TAC4: variants seen among roughly 807,000 people sequenced by gnomAD.
The protein encoded by TAC4 is tachykinin-4.
TAC4 carries 17 observed loss-of-function variants against 17.7 expected under a neutral mutation model. That is an observed-to-expected ratio of 0.96 (90% CI 0.66 to 1.44). The LOEUF (loss-of-function observed/expected upper bound fraction) is 1.44. Ranked by LOEUF, TAC4 falls within the 40% of genes most tolerant of loss-of-function variation. TAC4 has a pLI of 0.00. For missense variants in TAC4, 118 were observed against 125.6 expected (o/e 0.94, Z 0.29); for synonymous variants, 62 against 52.4 (o/e 1.18, Z -0.79).
intron 1 of TAC4, among the ~76,000 whole-genome samples, chr17:49,844,906 C>T (rs918427590): frequency 1.3e-5 from 2 of 152,176 alleles, no homozygotes; most frequent in African/African-American, 4.8e-5. Context: ...ACTATGATTT[C>T]CCCCGGCCCC....
At chr17:49,845,455 T>C (rs2074530778) in intron 1 of TAC4, among the ~76,000 whole-genome samples, 1 of 152,204 alleles carries the variant, frequency 6.6e-6, no homozygotes, top group Admixed American at 6.5e-5. Context: ...TAACATTCAT[T>C]AGACTGTCTT....
rs781424222 is a variant in TAC4 at position 49,843,963 on chromosome 17, C to T, written c.199+101G>A. 1.5e-5 allele frequency: 16 copies of T among 1,050,040 alleles called. No homozygotes were observed. The South Asian group carries it at 1.9e-4, about 13-fold the overall frequency. The allele number at this position is 1,050,040 out of a possible 1,614,324, so 65.0% of individuals were successfully genotyped here. On this transcript the variant is annotated intron_variant, in intron 2 of 4. Coordinates refer to ENST00000436235, the MANE Select transcript of TAC4 (RefSeq NM_001077506.2). Reference sequence around the variant, plus strand: ...GAGCGACCCCTACTGGACTGGAGTACCTGACCCCAGTTACTGGGCTTTGAC... The same window carrying T: ...GAGCGACCCCTACTGGACTGGAGTATCTGACCCCAGTTACTGGGCTTTGAC...
chr17:49,838,482 C>T lies in TAC4; in HGVS notation c.*160G>A. On this transcript the variant is annotated 3_prime_UTR_variant, in exon 5 of 5. Coordinates refer to ENST00000436235, the MANE Select transcript of TAC4 (RefSeq NM_001077506.2). ...GGACTGCTGCTTGACACTGAGAGTCCAGGAAGAAGCCCAGTGGGTTCAGTG... is the reference window on the plus strand; with the variant it reads ...GGACTGCTGCTTGACACTGAGAGTCTAGGAAGAAGCCCAGTGGGTTCAGTG... 1.2e-6 allele frequency: 1 copy of T among 830,624 alleles called. No individual in the cohort carries two copies. Among genetic ancestry groups the T allele is most frequent in the Non-Finnish European group, 2.0e-6 (1 of 501,634 alleles). 51.5% of individuals were successfully genotyped at this position (830,624 alleles called of 1,614,324 possible).
In TAC4 at chr17:49,844,096, T is replaced by G; in HGVS notation, c.167A>C (p.Gln56Pro). 1 of 1,613,938 alleles carries G rather than the reference T, an allele frequency of 6.2e-7. No individual in the cohort carries two copies. Among genetic ancestry groups the G allele is most frequent in the Non-Finnish European group, 8.5e-7 (1 of 1,179,812 alleles). Residue 56 changes from glutamine (Q) to proline (P), a missense_variant, in exon 2 of 5, where the codon CAG becomes CCG. Transcript: ENST00000436235. ...LQEVKTGKASQFFGLMGKRVG... is the reference protein window; with the variant it reads ...LQEVKTGKASPFFGLMGKRVG... ...TCGCTTCCCCATCAGCCCAAAGAAC[T>G]GGCTTGCCTTGCCCGTCTTCACCTC...
At chr17:49,843,370 G>GA (rs2074512670) in intron 2 of TAC4, among the ~76,000 whole-genome samples, 1 of 152,222 alleles carries the variant, frequency 6.6e-6, no homozygotes, top group South Asian at 2.1e-4. Flanking sequence ...TTCAGCCAAA[G>GA]AAAATTGACT....
intron 1 of TAC4, chr17:49,847,518 TACTTG>T (rs1196261171): frequency 4.1e-5 from 14 of 345,324 alleles, no homozygotes; most frequent in East Asian, 7.7e-5. Context: ...TTGGACAAAC[TACTTG>T]ACTTCTCTGT....
chr17:49,838,715 C>T (rs1352273369), intron 4 of TAC4, 42 bp from the exon 5 acceptor site: 3 of 1,602,200 alleles, frequency 1.9e-6, no homozygotes, highest in Non-Finnish European at 2.6e-6. Flanking sequence ...AGTCGGGGGT[C>T]TTGTCTGGCT....
intron 3 of TAC4, 96 bp downstream of exon 3, chr17:49,841,456 C>T (rs75425404): frequency 1.5e-6 from 2 of 1,340,112 alleles, no homozygotes; most frequent in Non-Finnish European, 1.0e-6. Context: ...TGCCCCTGGC[C>T]AGAGCATCTC....
chr17:49,843,516 TC>T (rs66939209), intron 2 of TAC4, among the ~76,000 whole-genome samples: 18,823 of 152,218 alleles, frequency 0.12, 1,249 homozygotes, highest in Middle Eastern at 0.18. Context: ...GTGCCCGTGC[TC>T]CCCATTGTTG....
In TAC4 at chr17:49,844,084, A is replaced by T; in HGVS notation, c.179T>A (p.Leu60Gln). 1 of 1,613,924 alleles carries T rather than the reference A, an allele frequency of 6.2e-7. No individual in the cohort carries two copies. Among genetic ancestry groups the T allele is most frequent in the South Asian group, 1.1e-5 (1 of 91,084 alleles). Reference protein sequence around the residue: ...KTGKASQFFGLMGKRVGGRPL... With the variant: ...KTGKASQFFGQMGKRVGGRPL... ...CTCACCTCCCACTCGCTTCCCCATC[A>T]GCCCAAAGAACTGGCTTGCCTTGCC... Residue 60 changes from leucine to glutamine, a missense_variant, in exon 2 of 5, where the codon CTG becomes CAG. Leu to Gln is a moderately radical substitution (Grantham distance 113). Coordinates refer to ENST00000436235, the MANE Select transcript of TAC4 (RefSeq NM_001077506.2).
chr17:49,841,738 A>G (rs895141610), intron 2 of TAC4, among the ~76,000 whole-genome samples, 154 bp from the exon 3 acceptor site: 1 of 151,868 alleles, frequency 6.6e-6, no homozygotes, highest in Non-Finnish European at 1.5e-5. Flanking sequence ...GGCAGTAGGA[A>G]TGTGCTGGTA....
intron 1 of TAC4, among the ~76,000 whole-genome samples, chr17:49,844,459 A>G (rs1387975401): frequency 6.6e-6 from 1 of 152,028 alleles, no homozygotes; most frequent in Non-Finnish European, 1.5e-5. Context: ...ACCGAGACAC[A>G]GGTTAAAGAA....
chr17:49,842,932 A>T (rs554091178), intron 2 of TAC4, among the ~76,000 whole-genome samples: 1 of 152,272 alleles, frequency 6.6e-6, no homozygotes, highest in South Asian at 2.1e-4. Flanking sequence ...ACATCTTTCT[A>T]TGGGTCTGCC....
intron 1 of TAC4, chr17:49,847,231 C>G (rs1248795935): frequency 1.6e-6 from 2 of 1,290,010 alleles, no homozygotes; most frequent in Admixed American, 4.6e-5. Context: ...GAGCACTGGC[C>G]TCTTATTTAC....
chr17:49,840,073 C>T lies in TAC4; in HGVS notation c.233-164G>A, dbSNP rs566282784. 1.2e-4 allele frequency among the ~76,000 whole-genome samples: 18 copies of T among 152,350 alleles called. No individual in the cohort carries two copies. In the East Asian group the frequency reaches 2.3e-3, roughly 20 times the overall value. On this transcript the variant is annotated intron_variant, in intron 3 of 4. Transcript: ENST00000436235. Reference sequence around the variant, plus strand: ...GTCATCCCGAGAGGCGAGGAAACACCGTGGACTGATTAATTTATTCACTAG... The same window carrying T: ...GTCATCCCGAGAGGCGAGGAAACACTGTGGACTGATTAATTTATTCACTAG...
intron 1 of TAC4, chr17:49,846,895 A>T: frequency 3.3e-6 from 4 of 1,205,018 alleles, no homozygotes; most frequent in Non-Finnish European, 3.2e-6. Flanking sequence ...AGCTGGAGAA[A>T]AGCCTTGGGG....
rs776049256 is a variant in TAC4 at position 49,844,173 on chromosome 17, G to C, written c.106-16C>G. 10 of 1,613,164 alleles carry C rather than the reference G, an allele frequency of 6.2e-6. No homozygotes were observed. The African/African-American group carries it at 1.3e-4, about 22-fold the overall frequency. On this transcript the variant is annotated splice_polypyrimidine_tract_variant and intron_variant, in intron 1 of 4. Transcript: ENST00000436235. ...CAGCGCCTTCCTGAAGAAGCAGAGA[G>C]TTAGTGTTAGAGTTGGGAGGTTGTC...
At chr17:49,847,084 T>G (rs1224170610) in intron 1 of TAC4, 1 of 1,289,924 alleles carries the variant, frequency 7.8e-7, no homozygotes. Context: ...TTCCCGTGGC[T>G]CCATTTCTAA....
intron 2 of TAC4, among the ~76,000 whole-genome samples, chr17:49,842,120 G>A (rs2074503109): frequency 6.6e-6 from 1 of 150,834 alleles, no homozygotes; most frequent in South Asian, 2.1e-4. Context: ...TAGCCAGGAT[G>A]GTCTCGATCT....
Sources: gnomAD v4.1 joint callset for allele counts (sites outside exome capture counted in the v4.1 genomes callset) on GRCh38, gnomAD v4.1.1 for gene constraint, MANE v1.5 for transcripts, NCBI Gene and HGNC (gene_info 2026-07-23, HGNC 2026-07-21) for gene names.